Variants in CCSER1 observed in about 807,000 individuals in gnomAD.
CCSER1 encodes coiled-coil serine rich protein 1, also known as serine-rich coiled-coil domain-containing protein 1.
A neutral mutation model predicts 82.0 loss-of-function variants in CCSER1; 41 were observed. The ratio of observed to expected loss-of-function variants is 0.50; its 90% CI spans 0.39 to 0.65. The LOEUF is 0.65. Ranked by LOEUF, CCSER1 falls within the 30% of genes least tolerant of loss-of-function variation. CCSER1 has a pLI of 0.00. For synonymous variants in CCSER1, 414 were observed against 383.9 expected (o/e 1.08, Z -0.92); for missense variants, 1,119 against 1,064.2 (o/e 1.05, Z -0.72).
At chr4:91,113,991 C>T (rs1253008207) in intron 10 of CCSER1, among the ~76,000 whole-genome samples, 3 of 151,952 alleles carry the variant, frequency 2.0e-5, no homozygotes, top group African/African-American at 2.4e-5. Flanking sequence ...TAGTTGGGAC[C>T]ACAGGCGCCC....
At chr4:90,802,790 T>C (rs1380756962) in intron 7 of CCSER1, among the ~76,000 whole-genome samples, 5 of 152,188 alleles carry the variant, frequency 3.3e-5, no homozygotes, top group African/African-American at 7.2e-5. Flanking sequence ...ATAAGAATTA[T>C]ATGAGGTCAC....
At chr4:91,340,114 CA>C (rs974455550) in intron 10 of CCSER1, among the ~76,000 whole-genome samples, 2 of 149,474 alleles carry the variant, frequency 1.3e-5, no homozygotes, top group Non-Finnish European at 3.0e-5. Flanking sequence ...GAGACTGTCT[CA>C]AAAAAAACAA....
At chr4:90,274,084 A>G (rs2153456091) in intron 1 of CCSER1, among the ~76,000 whole-genome samples, 1 of 152,316 alleles carries the variant, frequency 6.6e-6, no homozygotes, top group South Asian at 2.1e-4. Context: ...CTACTCATGT[A>G]TGTTTGTGAG....
intron 8 of CCSER1, among the ~76,000 whole-genome samples, chr4:90,873,490 C>G (rs982023497): frequency 1.3e-5 from 2 of 152,112 alleles, no homozygotes; most frequent in Admixed American, 6.6e-5. Flanking sequence ...CTCCCCAGTT[C>G]TTGTAAATAT....
At chr4:90,311,557 T>C (rs1350922991) in intron 2 of CCSER1, among the ~76,000 whole-genome samples, 1 of 152,180 alleles carries the variant, frequency 6.6e-6, no homozygotes, top group Non-Finnish European at 1.5e-5. Flanking sequence ...TAAAAACAGC[T>C]AAGTAAATGT....
At chr4:91,424,264 G>T (rs570679922) in intron 10 of CCSER1, among the ~76,000 whole-genome samples, 2 of 151,342 alleles carry the variant, frequency 1.3e-5, no homozygotes, top group Admixed American at 6.6e-5. Context: ...TGATCCACCC[G>T]CCTCGGCCTC....
At chr4:90,574,781 A>G (rs1431769789) in intron 5 of CCSER1, among the ~76,000 whole-genome samples, 1 of 151,882 alleles carries the variant, frequency 6.6e-6, no homozygotes, top group South Asian at 2.1e-4. Flanking sequence ...TTTTTGTGTT[A>G]TATTAACCAA....
At chr4:90,652,462 A>T (rs1728929984) in intron 6 of CCSER1, among the ~76,000 whole-genome samples, 1 of 152,124 alleles carries the variant, frequency 6.6e-6, no homozygotes, top group South Asian at 2.1e-4. Flanking sequence ...GTCTGTTTGC[A>T]TGTGTTGGAG....
Position 90,983,773 on chromosome 4 carries a change from T to C in CCSER1, c.2172+60326T>C, listed in dbSNP as rs565099043. Among the ~76,000 whole-genome samples the C allele has an allele frequency of 5.3e-5, 8 of 151,930 alleles. No homozygotes were observed. In the South Asian group the frequency reaches 1.4e-3, roughly 28 times the overall value. ...TATGTTACCTAATAAAATTTAACAC[T>C]CAGGCATTTTTCTAGTGAGAATATT... On this transcript the variant is annotated intron_variant, in intron 9 of 10. Coordinates refer to ENST00000509176, the MANE Select transcript of CCSER1 (RefSeq NM_001145065.2).
At chr4:90,732,164 T>C (rs1744881028) in intron 7 of CCSER1, among the ~76,000 whole-genome samples, 1 of 152,100 alleles carries the variant, frequency 6.6e-6, no homozygotes, top group Admixed American at 6.6e-5. Context: ...TTAGACTTGT[T>C]ATATGATAGT....
At chr4:90,391,079 C>G (rs1578235772) in intron 3 of CCSER1, among the ~76,000 whole-genome samples, 1 of 127,920 alleles carries the variant, frequency 7.8e-6, no homozygotes. Flanking sequence ...GCCTGGCCAA[C>G]ATGATGAAAC....
chr4:90,840,588 T>TA (rs1339271570), intron 8 of CCSER1, among the ~76,000 whole-genome samples: 1 of 152,190 alleles, frequency 6.6e-6, no homozygotes, highest in Non-Finnish European at 1.5e-5. Context: ...TTATGAGTAT[T>TA]AAAAAATAAT....
chr4:91,337,141 G>A (rs958789602), intron 10 of CCSER1, among the ~76,000 whole-genome samples: 3 of 152,056 alleles, frequency 2.0e-5, no homozygotes, highest in African/African-American at 7.2e-5. Context: ...AAAGAGTCAA[G>A]TTTAGATTAC....
At chr4:91,268,417 T>C (rs1741765159) in intron 10 of CCSER1, among the ~76,000 whole-genome samples, 1 of 152,232 alleles carries the variant, frequency 6.6e-6, no homozygotes, top group African/African-American at 2.4e-5. Flanking sequence ...AATCTGTTAT[T>C]TTTTTCTTTA....
chr4:90,489,597 C>A (rs1255550454), intron 5 of CCSER1, among the ~76,000 whole-genome samples: 1 of 151,988 alleles, frequency 6.6e-6, no homozygotes, highest in Non-Finnish European at 1.5e-5. Context: ...TGTATACATG[C>A]ACCATGTTGG....
chr4:90,585,449 G>T (rs1337214003), intron 5 of CCSER1, among the ~76,000 whole-genome samples: 5 of 152,176 alleles, frequency 3.3e-5, no homozygotes, highest in South Asian at 4.1e-4. Flanking sequence ...ACAATAACAG[G>T]AAAGGCTTTT....
chr4:91,294,612 A>G (rs1168599181), intron 10 of CCSER1, among the ~76,000 whole-genome samples: 1 of 151,818 alleles, frequency 6.6e-6, no homozygotes, highest in Non-Finnish European at 1.5e-5. Flanking sequence ...CCCATCTGTT[A>G]GCTCTAGAGG....
intron 10 of CCSER1, among the ~76,000 whole-genome samples, chr4:91,202,178 CAAAA>C (rs1262512718): frequency 9.1e-5 from 8 of 87,612 alleles, no homozygotes; most frequent in African/African-American, 1.2e-4. Flanking sequence ...AAATAACTGT[CAAAA>C]AAAAAAAAAA....
At chr4:90,550,011 C>CA (rs72073320) in intron 5 of CCSER1, among the ~76,000 whole-genome samples, 6,045 of 150,978 alleles carry the variant, frequency 0.04, 386 homozygotes, top group African/African-American at 0.13. Flanking sequence ...GTGACAAGAA[C>CA]AAAAAAAAAT....
Sources: allele counts gnomAD v4.1 joint callset (sites outside exome capture counted in the v4.1 genomes callset), GRCh38; gene constraint gnomAD v4.1.1; transcripts MANE v1.5; gene names NCBI Gene and HGNC (gene_info 2026-07-23, HGNC 2026-07-21).